CNTNAP2: variants seen among roughly 807,000 people sequenced by gnomAD.
The protein encoded by CNTNAP2 is contactin associated protein 2.
A neutral mutation model predicts 155.2 loss-of-function variants in CNTNAP2; 98 were observed. That is an observed-to-expected ratio of 0.63 (90% CI 0.54 to 0.75). CNTNAP2 has a LOEUF of 0.75. Among genes scored for constraint, CNTNAP2 ranks in the 30% least tolerant of loss-of-function variants. The pLI is 0.00. For missense variants in CNTNAP2, 1,727 were observed against 1,688.1 expected, an observed-to-expected ratio of 1.02 and a Z score of -0.40; for synonymous variants, 651 against 631.2, an observed-to-expected ratio of 1.03 and a Z score of -0.47.
chr7:147,116,352 C>G (rs1030874090), intron 5 of CNTNAP2, among the ~76,000 whole-genome samples: 2 of 152,214 alleles, frequency 1.3e-5, no homozygotes, highest in African/African-American at 2.4e-5. Context: ...GATAGAGCCA[C>G]TGTGCTGTGT....
intron 10 of CNTNAP2, among the ~76,000 whole-genome samples, chr7:147,410,857 G>A (rs560840214): frequency 2.0e-5 from 3 of 152,242 alleles, no homozygotes; most frequent in African/African-American, 7.2e-5. Flanking sequence ...CATATGGCAT[G>A]TGGCTCACAA....
rs534849194 is a variant in CNTNAP2 at position 148,206,628 on chromosome 7, C to T, written c.3011-10660C>T. On this transcript the variant is annotated intron_variant, in intron 18 of 23. Transcript: ENST00000361727. ...GCTGTCGTTCCTGACGCTGACTGCACATTAGACTAATCTGAGAAAATGCTG... is the reference window on the plus strand; with the variant it reads ...GCTGTCGTTCCTGACGCTGACTGCATATTAGACTAATCTGAGAAAATGCTG... Among the ~76,000 whole-genome samples the T allele has an allele frequency of 5.9e-5, 9 of 152,330 alleles. No individual in the cohort carries two copies. In the South Asian group the frequency reaches 1.9e-3, roughly 32 times the overall value.
At chr7:148,034,882 A>G (rs1179993213) in intron 15 of CNTNAP2, among the ~76,000 whole-genome samples, 1 of 152,236 alleles carries the variant, frequency 6.6e-6, no homozygotes, top group Non-Finnish European at 1.5e-5. Context: ...GGGCATTCTG[A>G]TGAAGTCTCA....
chr7:148,158,385 G>A (rs922289225), intron 17 of CNTNAP2, among the ~76,000 whole-genome samples: 1 of 151,958 alleles, frequency 6.6e-6, no homozygotes, highest in African/African-American at 2.4e-5. Context: ...ACCACACCCA[G>A]CTAATTTTTG....
At chr7:148,128,023 C>G (rs1286175403) in intron 16 of CNTNAP2, among the ~76,000 whole-genome samples, 1 of 152,132 alleles carries the variant, frequency 6.6e-6, no homozygotes, top group African/African-American at 2.4e-5. Context: ...GTGCACGCCA[C>G]CACACTCGGT....
intron 1 of CNTNAP2, among the ~76,000 whole-genome samples, chr7:146,531,804 C>G (rs971337961): frequency 6.6e-6 from 1 of 152,126 alleles, no homozygotes; most frequent in Non-Finnish European, 1.5e-5. Context: ...TTCAGCCTCC[C>G]AAAGTGCTGG....
At chr7:146,952,450 A>G (rs993726735) in intron 3 of CNTNAP2, among the ~76,000 whole-genome samples, 7 of 152,180 alleles carry the variant, frequency 4.6e-5, no homozygotes, top group Admixed American at 4.6e-4. Flanking sequence ...AAGGAAAGAA[A>G]TAAAATGTAT....
chr7:148,232,437 A>G (rs917243978), intron 20 of CNTNAP2, among the ~76,000 whole-genome samples: 1 of 152,246 alleles, frequency 6.6e-6, no homozygotes, highest in Non-Finnish European at 1.5e-5. Context: ...CACAGTGATC[A>G]TCTGTGTGTG....
chr7:147,017,041 A>G (rs1418430540), intron 3 of CNTNAP2, among the ~76,000 whole-genome samples: 1 of 151,992 alleles, frequency 6.6e-6, no homozygotes, highest in African/African-American at 2.4e-5. Context: ...GTAAAAAAAA[A>G]AAAAGAAATC....
Position 146,617,017 on chromosome 7 carries a change from T to TTTTGTTTGTTTG in CNTNAP2, c.98-157246_98-157235dup, listed in dbSNP as rs60769170. Among the ~76,000 whole-genome samples the TTTTGTTTGTTTG allele has an allele frequency of 8.1e-4, 123 of 151,392 alleles. 1 individual carries two copies. The highest frequency in any genetic ancestry group is 1.1e-3 in the African/African-American group (44 of 41,250). ...GTGTGTATTCCAGGAAACCTGGTTT[T>TTTTGTTTGTTTG]TTTGTTTGTTTGTTTGTTTTGAGAC... On this transcript the variant is annotated intron_variant, in intron 1 of 23. Transcript: ENST00000361727.
chr7:146,455,921 A>G (rs147643289), intron 1 of CNTNAP2, among the ~76,000 whole-genome samples: 6 of 152,332 alleles, frequency 3.9e-5, no homozygotes, highest in African/African-American at 1.4e-4. Context: ...CATGAAATAT[A>G]TAAAACACAT....
At chr7:148,078,669 CAG>C (rs1165065564) in intron 15 of CNTNAP2, among the ~76,000 whole-genome samples, 1 of 152,002 alleles carries the variant, frequency 6.6e-6, no homozygotes, top group Non-Finnish European at 1.5e-5. Flanking sequence ...TTAGTAGAGA[CAG>C]GGTTTCACCA....
chr7:147,244,171 G>A (rs1259798274), intron 8 of CNTNAP2, among the ~76,000 whole-genome samples: 1 of 152,034 alleles, frequency 6.6e-6, no homozygotes, highest in African/African-American at 2.4e-5. Context: ...CCTGGGTCTG[G>A]CAAGACCTAT....
At chr7:146,781,408 A>G (rs1802486940) in intron 2 of CNTNAP2, among the ~76,000 whole-genome samples, 1 of 152,110 alleles carries the variant, frequency 6.6e-6, no homozygotes, top group African/African-American at 2.4e-5. Context: ...TTAACATAAA[A>G]AGACACAAAA....
At chr7:146,968,301 G>C (rs1797702806) in intron 3 of CNTNAP2, among the ~76,000 whole-genome samples, 1 of 152,120 alleles carries the variant, frequency 6.6e-6, no homozygotes, top group Non-Finnish European at 1.5e-5. Context: ...CCTGGCTTTG[G>C]TATCAGGATA....
intron 6 of CNTNAP2, 162 bp downstream of exon 6, chr7:147,121,325 T>G: frequency 5.9e-6 from 4 of 672,664 alleles, no homozygotes; most frequent in East Asian, 2.9e-5. Flanking sequence ...TCGTTTCATT[T>G]TATTTCTAAA....
intron 13 of CNTNAP2, among the ~76,000 whole-genome samples, chr7:147,733,730 T>C (rs1359757237): frequency 6.6e-6 from 1 of 152,182 alleles, no homozygotes; most frequent in Non-Finnish European, 1.5e-5. Flanking sequence ...GAAGAGGTCC[T>C]TCACATCCTT....
intron 18 of CNTNAP2, among the ~76,000 whole-genome samples, chr7:148,186,880 G>T (rs998542018): frequency 2.6e-5 from 4 of 152,086 alleles, no homozygotes; most frequent in African/African-American, 9.7e-5. Flanking sequence ...TTCTCCCAAT[G>T]CCCCAGGAGG....
At chr7:146,654,011 T>C (rs577516143) in intron 1 of CNTNAP2, among the ~76,000 whole-genome samples, 1 of 152,250 alleles carries the variant, frequency 6.6e-6, no homozygotes, top group Non-Finnish European at 1.5e-5. Flanking sequence ...GAACAGTTCT[T>C]TGTATATTAA....
Sources: allele counts gnomAD v4.1 joint callset (sites outside exome capture counted in the v4.1 genomes callset), GRCh38; gene constraint gnomAD v4.1.1; transcripts MANE v1.5; gene names NCBI Gene and HGNC (gene_info 2026-07-23, HGNC 2026-07-21).